Variants in TMPRSS11F observed in about 807,000 individuals in gnomAD.
TMPRSS11F encodes the protein transmembrane protease serine 11F.
TMPRSS11F carries 47 observed loss-of-function variants against 60.2 expected under a neutral mutation model. That is an observed-to-expected ratio of 0.78 (90% CI 0.62 to 1.00). TMPRSS11F has a LOEUF of 1.00. Among genes scored for constraint, TMPRSS11F ranks in the 50% least tolerant of loss-of-function variants. The pLI, the probability that TMPRSS11F is intolerant of heterozygous loss-of-function variation, is 0.00. For synonymous variants in TMPRSS11F, 166 were observed against 167.3 expected, an observed-to-expected ratio of 0.99 and a Z score of 0.06; for missense variants, 519 against 522.9, an observed-to-expected ratio of 0.99 and a Z score of 0.07.
intron 8 of TMPRSS11F, among the ~76,000 whole-genome samples, chr4:68,064,461 A>G (rs940289898): frequency 2.6e-5 from 4 of 152,198 alleles, no homozygotes; most frequent in Non-Finnish European, 5.9e-5. Context: ...TGCTGGCATT[A>G]CAGGTGTGAG....
chr4:68,055,284 G>C (rs776594486), intron 9 of TMPRSS11F, among the ~76,000 whole-genome samples: 1 of 152,144 alleles, frequency 6.6e-6, no homozygotes, highest in Non-Finnish European at 1.5e-5. Context: ...GTTTCAGAGA[G>C]AGATCTGACA....
In TMPRSS11F at chr4:68,075,643, C is replaced by T. The variant is rs575162260; in HGVS notation, c.283-1634G>A. On this transcript the variant is annotated intron_variant, in intron 3 of 9. Transcript: ENST00000356291. ...AGAGAAATAAAAGAAAACTAGGTCA[C>T]CAATAACAGTTTATAGGACAATGAA... Among the ~76,000 whole-genome samples, 7 of 152,162 alleles carry T rather than the reference C, an allele frequency of 4.6e-5. 1 individual carries two copies. In the South Asian group the frequency reaches 1.0e-3, roughly 23 times the overall value.
Position 68,070,017 on chromosome 4 carries a change from G to A in TMPRSS11F, c.515-10C>T. The A allele has an allele frequency of 6.2e-7, 1 of 1,602,576 alleles. No individual in the cohort carries two copies. Among genetic ancestry groups the A allele is most frequent in the African/African-American group, 1.3e-5 (1 of 74,704 alleles). ...TTTTTGCTGTCAATAGCTGGAATAA[G>A]CAAAACATGAATTAGTTGGCAGAAG... On this transcript the variant is annotated splice_polypyrimidine_tract_variant and intron_variant, in intron 5 of 9. Coordinates refer to ENST00000356291, the MANE Select transcript of TMPRSS11F (RefSeq NM_207407.2).
At position 68,073,977 on chromosome 4, in the gene TMPRSS11F, G is replaced by A. The variant is rs772467413; in HGVS notation, c.315C>T (p.Gly105=). 116 of 1,583,476 alleles carry A rather than the reference G, an allele frequency of 7.3e-5. No individual in the cohort carries two copies. Among genetic ancestry groups the A allele is most frequent in the Non-Finnish European group, 9.1e-5 (106 of 1,167,674 alleles). Residue 105 remains glycine (G), a synonymous_variant, in exon 4 of 10, where the codon GGC becomes GGT. Transcript: ENST00000356291. ...TAACATGAGATTTGATAAATCGACC[G>A]CCTACAGAAGAATGTCGAAATATCC... The part of the protein sequence containing the change: ...MSRIFRHSSV[G]GRFIKSHVIK...
rs1449044654 is a variant in TMPRSS11F, at chr4:68,059,405, C to T, written c.1079G>A (p.Arg360Lys). 6.2e-7 allele frequency: 1 copy of T among 1,613,960 alleles called. No individual in the cohort carries two copies. The highest frequency in any genetic ancestry group is 8.5e-7 in the Non-Finnish European group (1 of 1,179,972). Residue 360 changes from arginine to lysine, a missense_variant, in exon 9 of 10, where the codon AGA (arginine) becomes AAA (lysine). Transcript: ENST00000356291. Reference sequence around the variant, plus strand: ...TATCAGGCCATCATACACATCCTTTCTGTTACACACATCAGTGCTTATGGT... The same window carrying T: ...TATCAGGCCATCATACACATCCTTTTTGTTACACACATCAGTGCTTATGGT... ...VETISTDVCN[R>K]KDVYDGLITP... is the part of the protein sequence containing the mutation.
intron 3 of TMPRSS11F, among the ~76,000 whole-genome samples, chr4:68,087,390 C>A (rs1350026308): frequency 6.6e-6 from 1 of 152,062 alleles, no homozygotes; most frequent in East Asian, 1.9e-4. Context: ...CTATGACAAA[C>A]CCACAGCCAA....
In TMPRSS11F at chr4:68,054,539, A is replaced by G. The variant is rs555200202; in HGVS notation, c.1159-472T>C. ...GCTAAATTTTTATAAACTCCTTTAAATCTCATTTGGAAAACAAAAATAAGA... is the reference window on the plus strand; with the variant it reads ...GCTAAATTTTTATAAACTCCTTTAAGTCTCATTTGGAAAACAAAAATAAGA... On this transcript the variant is annotated intron_variant, in intron 9 of 9. Coordinates refer to ENST00000356291, the MANE Select transcript of TMPRSS11F (RefSeq NM_207407.2). 2.0e-5 allele frequency among the ~76,000 whole-genome samples: 3 copies of G among 152,252 alleles called. No individual in the cohort carries two copies. The South Asian group carries it at 6.2e-4, about 32-fold the overall frequency.
chr4:68,112,585 A>T (rs1351319943), intron 1 of TMPRSS11F, among the ~76,000 whole-genome samples: 1 of 152,170 alleles, frequency 6.6e-6, no homozygotes, highest in Non-Finnish European at 1.5e-5. Flanking sequence ...CCTCTAAAAA[A>T]TACTACTAAT....
intron 4 of TMPRSS11F, among the ~76,000 whole-genome samples, chr4:68,073,739 C>A (rs906326275): frequency 1.3e-5 from 2 of 152,032 alleles, no homozygotes; most frequent in African/African-American, 4.8e-5. Flanking sequence ...CTTTTTGTAT[C>A]CAATAGCTGA....
chr4:68,088,538 C>T (rs1481053628), intron 3 of TMPRSS11F, among the ~76,000 whole-genome samples: 4 of 151,930 alleles, frequency 2.6e-5, no homozygotes, highest in East Asian at 1.9e-4. Context: ...CTGCACCAAG[C>T]GGACCTAACA....
Position 68,088,726 on chromosome 4 carries a change from G to C in TMPRSS11F, c.282+1797C>G, listed in dbSNP as rs1169442506. On this transcript the variant is annotated intron_variant, in intron 3 of 9. Transcript: ENST00000356291. ...CCACAGTGCAATCAAACTAGAACTC[G>C]GGATTAAAATTAGTAGCATTTTAAA... Among the ~76,000 whole-genome samples the C allele has an allele frequency of 3.3e-5, 5 of 151,868 alleles. No homozygotes were observed. In the East Asian group the frequency reaches 9.6e-4, roughly 29 times the overall value.
At chr4:68,129,387 C>A (rs1724775939) in intron 1 of TMPRSS11F, among the ~76,000 whole-genome samples, 1 of 151,988 alleles carries the variant, frequency 6.6e-6, no homozygotes, top group African/African-American at 2.4e-5. Flanking sequence ...TTCTAGTAGA[C>A]TCTCCTCTTA....
intron 3 of TMPRSS11F, among the ~76,000 whole-genome samples, chr4:68,083,631 A>C (rs1723749541): frequency 6.6e-6 from 1 of 152,172 alleles, no homozygotes; most frequent in Admixed American, 6.5e-5. Context: ...CAACTTATAC[A>C]ACAGCCAAAA....
intron 3 of TMPRSS11F, among the ~76,000 whole-genome samples, chr4:68,089,717 T>C (rs577939656): frequency 6.6e-6 from 1 of 152,222 alleles, no homozygotes; most frequent in African/African-American, 2.4e-5. Context: ...TTGTGAATAA[T>C]ACAGAGAAAG....
intron 9 of TMPRSS11F, 113 bp from the exon 10 acceptor site, chr4:68,054,180 C>A: frequency 1.1e-6 from 1 of 876,406 alleles, no homozygotes; most frequent in Non-Finnish European, 1.7e-6. Flanking sequence ...CACAGCCAGA[C>A]TACAGACTAT....
chr4:68,101,282 T>G (rs1724184785), intron 1 of TMPRSS11F, among the ~76,000 whole-genome samples: 1 of 152,134 alleles, frequency 6.6e-6, no homozygotes, highest in East Asian at 1.9e-4. Context: ...TTATGTGTTT[T>G]GAAGTGTAGC....
At chr4:68,062,744 A>T (rs747571519) in intron 8 of TMPRSS11F, 1 of 743,092 alleles carries the variant, frequency 1.3e-6, no homozygotes, top group South Asian at 1.3e-5. Context: ...CACTTTGAAA[A>T]CAAAAGTTTC....
intron 3 of TMPRSS11F, among the ~76,000 whole-genome samples, chr4:68,075,348 C>G (rs1056726733): frequency 1.3e-5 from 2 of 152,172 alleles, no homozygotes; most frequent in African/African-American, 4.8e-5. Context: ...GTTGTTCCCT[C>G]CGAATACTGC....
intron 1 of TMPRSS11F, among the ~76,000 whole-genome samples, chr4:68,113,951 G>A (rs13115003): frequency 0.22 from 32,980 of 151,826 alleles, 4,007 homozygotes; most frequent in Admixed American, 0.37. Flanking sequence ...TAAAAGAATT[G>A]AACCACAAGT....
Sources: allele counts gnomAD v4.1 joint callset (sites outside exome capture counted in the v4.1 genomes callset), GRCh38; gene constraint gnomAD v4.1.1; transcripts MANE v1.5; gene names NCBI Gene and HGNC (gene_info 2026-07-23, HGNC 2026-07-21).